UNC79: variants seen among roughly 807,000 people sequenced by gnomAD.
UNC79 encodes protein unc-79 homolog.
A neutral mutation model predicts 283.1 loss-of-function variants in UNC79; 37 were observed. The observed-to-expected ratio is 0.13, with a 90% CI of 0.10 to 0.17. The LOEUF is 0.17. Ranked by LOEUF, UNC79 falls within the 10% of genes least tolerant of loss-of-function variation. UNC79 has a pLI of 1.00. For synonymous variants in UNC79, 1,107 were observed against 1,200.2 expected, an observed-to-expected ratio of 0.92 and a Z score of 1.61; for missense variants, 2,272 against 3,211.1, an observed-to-expected ratio of 0.71 and a Z score of 7.07.
chr14:93,358,842 C>T (rs1332220054), intron 1 of UNC79, among the ~76,000 whole-genome samples: 2 of 152,138 alleles, frequency 1.3e-5, no homozygotes, highest in Non-Finnish European at 2.9e-5. Flanking sequence ...TGTTGATTCT[C>T]CTTAGGAGCC....
Position 93,641,154 on chromosome 14 carries a change from A to G in UNC79, c.5810A>G (p.Lys1937Arg). The G allele has an allele frequency of 6.2e-7, 1 of 1,613,208 alleles. No individual in the cohort carries two copies. Among genetic ancestry groups the G allele is most frequent in the Non-Finnish European group, 8.5e-7 (1 of 1,179,468 alleles). ...TTTGCTGCTTACCCAGGTGCCACCA[A>G]ATCCAGCCTGCTATCAGCACCAAGC... is the stretch of plus-strand genomic sequence containing the variant. Residue 1937 changes from lysine (K) to arginine (R), a missense_variant, in exon 33 of 49, where the codon AAA becomes AGA. By Grantham distance (26) the Lys-to-Arg change is conservative (BLOSUM62 2). Transcript: ENST00000555664.
intron 26 of UNC79, among the ~76,000 whole-genome samples, chr14:93,605,776 A>G (rs191313142): frequency 4.6e-5 from 7 of 152,318 alleles, no homozygotes; most frequent in African/African-American, 1.7e-4. Flanking sequence ...TGTTTTATAA[A>G]AAGGACGTTT....
At chr14:93,420,956 A>G (rs1445330115) in intron 1 of UNC79, among the ~76,000 whole-genome samples, 1 of 151,782 alleles carries the variant, frequency 6.6e-6, no homozygotes, top group African/African-American at 2.4e-5. Flanking sequence ...TAGCAAAAGC[A>G]GTATGAAGAT....
intron 20 of UNC79, 106 bp downstream of exon 20, chr14:93,582,450 T>C: frequency 6.7e-7 from 1 of 1,485,882 alleles, no homozygotes; most frequent in Non-Finnish European, 9.0e-7. Context: ...CAGACGTGGT[T>C]TCCTTAGTAT....
At chr14:93,510,307 C>T (rs2059760091) in intron 7 of UNC79, among the ~76,000 whole-genome samples, 1 of 152,200 alleles carries the variant, frequency 6.6e-6, no homozygotes, top group Non-Finnish European at 1.5e-5. Context: ...TGGATATTAA[C>T]ATTTGGTTCC....
At chr14:93,490,059 T>C (rs2058648784) in intron 5 of UNC79, among the ~76,000 whole-genome samples, 2 of 152,162 alleles carry the variant, frequency 1.3e-5, no homozygotes. Context: ...AATTTTACAA[T>C]GTAAGAAGGT....
intron 14 of UNC79, among the ~76,000 whole-genome samples, chr14:93,569,894 G>C (rs2063117316): frequency 6.6e-6 from 1 of 152,076 alleles, no homozygotes; most frequent in Non-Finnish European, 1.5e-5. Flanking sequence ...CCACATTTCT[G>C]TTTTTGTAAA....
intron 40 of UNC79, among the ~76,000 whole-genome samples, chr14:93,665,223 CA>C (rs11344323): frequency 0.099 from 13,710 of 139,002 alleles, 1,196 homozygotes; most frequent in African/African-American, 0.24. Flanking sequence ...TTAGTCATTT[CA>C]AAAAAAAAAG....
At chr14:93,689,982 A>G (rs1043487488) in intron 44 of UNC79, 135 bp from the exon 48 acceptor site, 36 of 892,414 alleles carry the variant, frequency 4.0e-5, no homozygotes, top group African/African-American at 3.9e-4. Flanking sequence ...TTGACACTCA[A>G]TTGCCTTGGC....
chr14:93,550,072 G>C (rs868240260), intron 14 of UNC79, among the ~76,000 whole-genome samples: 7 of 152,218 alleles, frequency 4.6e-5, no homozygotes, highest in Middle Eastern at 3.2e-3. Context: ...AACGGGGTCA[G>C]TGCTCTGCAG....
intron 31 of UNC79, among the ~76,000 whole-genome samples, chr14:93,636,609 C>T (rs1021620713): frequency 2.0e-5 from 3 of 152,182 alleles, no homozygotes; most frequent in Non-Finnish European, 2.9e-5. Flanking sequence ...ACCCTGAGAG[C>T]TGCCTCTTCT....
chr14:93,527,573 G>A (rs866853227), intron 8 of UNC79, among the ~76,000 whole-genome samples: 8 of 152,144 alleles, frequency 5.3e-5, no homozygotes, highest in Non-Finnish European at 4.4e-5. Context: ...TCATTGAAGT[G>A]TCTGTTTTCA....
intron 27 of UNC79, among the ~76,000 whole-genome samples, chr14:93,616,494 G>A (rs564749935): frequency 5.3e-5 from 8 of 150,700 alleles, no homozygotes; most frequent in African/African-American, 1.9e-4. Flanking sequence ...TCAGCCTCCC[G>A]AGTAGCTAGG....
At chr14:93,595,324 A>T (rs1023679070) in intron 23 of UNC79, among the ~76,000 whole-genome samples, 4 of 152,166 alleles carry the variant, frequency 2.6e-5, no homozygotes, top group African/African-American at 7.2e-5. Flanking sequence ...TCCTGACCCC[A>T]GATGATCCAC....
chr14:93,335,009 T>C (rs888625729), intron 1 of UNC79: 2 of 152,238 alleles, frequency 1.3e-5, no homozygotes, highest in Non-Finnish European at 2.9e-5. Flanking sequence ...TTCTATTTCC[T>C]AGCCACAATT....
Position 93,453,528 on chromosome 14 carries a change from A to G in UNC79, c.23-14143A>G, listed in dbSNP as rs375057374. Among the ~76,000 whole-genome samples the G allele has an allele frequency of 3.3e-5, 5 of 152,296 alleles. No homozygotes were observed. In the East Asian group the frequency reaches 9.6e-4, roughly 29 times the overall value. The stretch of plus-strand genomic sequence containing the variant: ...TTTATACTTTCTTGAAAAGATCACT[A>G]ATGCTCTTGTTTCTCTCCCCCACTT... On this transcript the variant is annotated intron_variant, in intron 1 of 48. Coordinates refer to ENST00000555664, the Ensembl canonical transcript of UNC79.
At chr14:93,585,167 T>C (rs1277199091) in intron 20 of UNC79, among the ~76,000 whole-genome samples, 1 of 152,218 alleles carries the variant, frequency 6.6e-6, no homozygotes, top group African/African-American at 2.4e-5. Flanking sequence ...TTATAAATTG[T>C]CTCTGCAGGA....
At chr14:93,654,067 C>CT in intron 37 of UNC79, 42 bp downstream of exon 40, 1 of 1,581,750 alleles carries the variant, frequency 6.3e-7, no homozygotes, top group Non-Finnish European at 8.7e-7. Flanking sequence ...AGCCGAAACT[C>CT]TAAGCCCCAG....
At chr14:93,460,379 G>T (rs1316058518) in intron 1 of UNC79, among the ~76,000 whole-genome samples, 1 of 151,728 alleles carries the variant, frequency 6.6e-6, no homozygotes, top group East Asian at 2.0e-4. Flanking sequence ...GTGTGGTGGC[G>T]TGCACCTGTG....
Sources: gnomAD v4.1 joint callset for allele counts (sites outside exome capture counted in the v4.1 genomes callset) on GRCh38, gnomAD v4.1.1 for gene constraint, MANE v1.5 for transcripts, NCBI Gene and HGNC (gene_info 2026-07-23, HGNC 2026-07-21) for gene names.